Variants in IQCH observed in about 807,000 individuals in gnomAD.
IQCH encodes IQ domain-containing protein H.
In IQCH, 98 loss-of-function variants were observed where a neutral mutation model predicts 117.0. The observed-to-expected ratio is 0.84, with a 90% CI of 0.71 to 0.99. The LOEUF (loss-of-function observed/expected upper bound fraction) is 0.99. IQCH is among the 50% of genes least tolerant of loss of function. The probability of loss-of-function intolerance (pLI) is 0.00; values close to 1 mark genes in which losing one functional copy is unlikely to be tolerated. For missense variants in IQCH, 1,102 were observed against 1,243.8 expected, an observed-to-expected ratio of 0.89 and a Z score of 1.72; for synonymous variants, 412 against 448.2, an observed-to-expected ratio of 0.92 and a Z score of 1.02.
intron 4 of IQCH, among the ~76,000 whole-genome samples, chr15:67,326,677 T>G (rs1395040551): frequency 3.3e-5 from 5 of 152,188 alleles, no homozygotes. Flanking sequence ...TGTGAAGTTT[T>G]CAATTAAAAA....
At chr15:67,325,609 T>A (rs1968371127) in intron 4 of IQCH, among the ~76,000 whole-genome samples, 1 of 152,150 alleles carries the variant, frequency 6.6e-6, no homozygotes, top group Non-Finnish European at 1.5e-5. Flanking sequence ...AAGTACATTA[T>A]ACTTACGATA....
chr15:67,486,838 T>G (rs2083495731), intron 18 of IQCH, among the ~76,000 whole-genome samples: 1 of 152,274 alleles, frequency 6.6e-6, no homozygotes, highest in Non-Finnish European at 1.5e-5. Context: ...ATTATTGAGA[T>G]AGTCCTACTT....
At chr15:67,344,440 CTCTG>C (rs1969300624) in intron 6 of IQCH, among the ~76,000 whole-genome samples, 1 of 152,092 alleles carries the variant, frequency 6.6e-6, no homozygotes, top group African/African-American at 2.4e-5. Context: ...CCTTAACCAA[CTCTG>C]TCTTTCATTT....
chr15:67,473,440 G>A lies in IQCH; in HGVS notation c.2677-2256G>A, dbSNP rs115028726. Among the ~76,000 whole-genome samples, 180 of 152,352 alleles carry A rather than the reference G, an allele frequency of 1.2e-3. 1 individual carries two copies. Among genetic ancestry groups the A allele is most frequent in the African/African-American group, 4.3e-3 (177 of 41,580 alleles). ...TGTCCTCCAGCAGGCAAGGCCCGGA[G>A]CAACTGCCCTGAGTTGTCCTTCTCT... is the stretch of plus-strand genomic sequence containing the variant. On this transcript the variant is annotated intron_variant, in intron 17 of 20. Coordinates refer to ENST00000335894, the MANE Select transcript of IQCH (RefSeq NM_001031715.3). The surrounding 1 kb of genome is among the most constrained non-coding windows in gnomAD (Gnocchi z 4.9).
chr15:67,343,825 T>C (rs891510367), intron 5 of IQCH, among the ~76,000 whole-genome samples: 4 of 152,348 alleles, frequency 2.6e-5, no homozygotes, highest in Middle Eastern at 3.4e-3. Context: ...GAAATTACTT[T>C]AGTGCAATTT....
chr15:67,419,494 A>G (rs969051849), intron 15 of IQCH, among the ~76,000 whole-genome samples: 5 of 152,128 alleles, frequency 3.3e-5, no homozygotes, highest in Non-Finnish European at 7.4e-5. Context: ...TGGCCACAAA[A>G]TGTGCTAGGG....
chr15:67,481,112 A>G lies in IQCH; in HGVS notation c.2799+5294A>G, dbSNP rs1033489958. On this transcript the variant is annotated intron_variant, in intron 18 of 20. Coordinates refer to ENST00000335894, the MANE Select transcript of IQCH (RefSeq NM_001031715.3). The surrounding 1 kb of genome is among the most constrained non-coding windows in gnomAD (Gnocchi z 4.1). The stretch of plus-strand genomic sequence containing the variant: ...CAATATGAGTCAAATTAAATGTATG[A>G]CTATAACCTACTATTAAAACCTCTG... Among the ~76,000 whole-genome samples, 2 of 152,240 alleles carry G rather than the reference A, an allele frequency of 1.3e-5. No homozygotes were observed. Among genetic ancestry groups the G allele is most frequent in the African/African-American group, 2.4e-5 (1 of 41,470 alleles).
chr15:67,353,651 G>A (rs961626195), intron 6 of IQCH, among the ~76,000 whole-genome samples: 30 of 152,006 alleles, frequency 2.0e-4, no homozygotes, highest in Non-Finnish European at 2.8e-4. Context: ...GAGCCACTGC[G>A]CCGTCAAAAA....
At position 67,381,842 on chromosome 15, in the gene IQCH, G is replaced by A. The variant is rs1205307818; in HGVS notation, c.1373-3094G>A. Among the ~76,000 whole-genome samples, 1 of 151,970 alleles carries A rather than the reference G, an allele frequency of 6.6e-6. No individual in the cohort carries two copies. On this transcript the variant is annotated intron_variant, in intron 10 of 20. Coordinates refer to ENST00000335894, the MANE Select transcript of IQCH (RefSeq NM_001031715.3). The surrounding 1 kb of genome is among the most constrained non-coding windows in gnomAD (Gnocchi z 5.1). The stretch of plus-strand genomic sequence containing the variant: ...CAAAAATTACAAAAATTAGCCAGGT[G>A]TGGTAGTGTGCACCAGTAGTCTCAC...
In IQCH at chr15:67,424,129, T is replaced by C. The variant is rs529872181; in HGVS notation, c.2505+2552T>C. 1.4e-4 allele frequency among the ~76,000 whole-genome samples: 22 copies of C among 152,310 alleles called. No homozygotes were observed. In the South Asian group the frequency reaches 4.1e-3, roughly 29 times the overall value. Reference sequence around the variant, plus strand: ...GCTGGTTCCATGTACCTGGCCAGTCTTGTCTCACCCTAACTTGCCCTCTGT... The same window carrying C: ...GCTGGTTCCATGTACCTGGCCAGTCCTGTCTCACCCTAACTTGCCCTCTGT... On this transcript the variant is annotated intron_variant, in intron 16 of 20. Coordinates refer to ENST00000335894, the MANE Select transcript of IQCH (RefSeq NM_001031715.3). This position sits in a 1 kb window ranked among gnomAD's most constrained non-coding sequence, Gnocchi z 4.9.
chr15:67,400,019 A>G, intron 13 of IQCH, 95 bp from the exon 14 acceptor site: 1 of 894,484 alleles, frequency 1.1e-6, no homozygotes, highest in Non-Finnish European at 1.8e-6. Context: ...TTAGAAGTAA[A>G]GACACATGAG....
Position 67,408,550 on chromosome 15 carries a change from A to G in IQCH, c.2097+8245A>G, listed in dbSNP as rs2081363994. 1 of 152,248 alleles carries G rather than the reference A, an allele frequency of 6.6e-6. No homozygotes were observed. The highest frequency in any genetic ancestry group is 1.5e-5 in the Non-Finnish European group (1 of 68,050). 9.4% of individuals were successfully genotyped at this position (152,248 alleles called of 1,614,324 possible). Reference sequence around the variant, plus strand: ...TGTATGCATCTGTATGTGTGGAAATATCAAACAAGGCACAGCTCTTCACTC... The same window carrying G: ...TGTATGCATCTGTATGTGTGGAAATGTCAAACAAGGCACAGCTCTTCACTC... On this transcript the variant is annotated intron_variant, in intron 14 of 20. Transcript: ENST00000335894. The surrounding 1 kb of genome is among the most constrained non-coding windows in gnomAD (Gnocchi z 4.2).
In IQCH at chr15:67,416,461, G is replaced by A. The variant is rs2081579571; in HGVS notation, c.2098-470G>A. ...GAACCCGGGAGGCAGAGGTTGCAGT[G>A]AGCCAAGATCACGCCATTGCACTCC... On this transcript the variant is annotated intron_variant, in intron 14 of 20. Coordinates refer to ENST00000335894, the MANE Select transcript of IQCH (RefSeq NM_001031715.3). This position sits in a 1 kb window ranked among gnomAD's most constrained non-coding sequence, Gnocchi z 5.1. Among the ~76,000 whole-genome samples, 1 of 151,632 alleles carries A rather than the reference G, an allele frequency of 6.6e-6. No individual in the cohort carries two copies. The highest frequency in any genetic ancestry group is 2.4e-5 in the African/African-American group (1 of 41,216).
chr15:67,258,634 A>G (rs531988650), intron 1 of IQCH, among the ~76,000 whole-genome samples: 17 of 152,250 alleles, frequency 1.1e-4, no homozygotes, highest in Admixed American at 2.0e-4. Flanking sequence ...ATTGCTTTTG[A>G]CAATATAGAG....
chr15:67,338,491 G>A (rs1312700437), intron 5 of IQCH, among the ~76,000 whole-genome samples: 3 of 152,050 alleles, frequency 2.0e-5, no homozygotes, highest in African/African-American at 4.8e-5. Context: ...ACAAGCCACA[G>A]AAATATAAAT....
intron 4 of IQCH, among the ~76,000 whole-genome samples, chr15:67,316,104 A>G (rs1434124011): frequency 6.6e-6 from 1 of 152,188 alleles, no homozygotes; most frequent in Non-Finnish European, 1.5e-5. Flanking sequence ...AATACGTTAT[A>G]TGAGCTTGCC....
In IQCH at chr15:67,388,980, AC is replaced by A. The variant is rs747980118; in HGVS notation, c.1607del (p.Thr536AsnfsTer5). The stretch of plus-strand genomic sequence containing the variant: ...CCTGCAGGACAGGTTCAAAATTATC[AC>A]ACCTGAAGCTGTAAACATCTTCCCT... ...SDLQDRFKII[T>X]PEAVNIFPKH... On this transcript the variant is annotated frameshift_variant, in exon 12 of 21. Coordinates refer to ENST00000335894, the MANE Select transcript of IQCH (RefSeq NM_001031715.3). LOFTEE classifies it high-confidence loss of function. This position sits in a 1 kb window ranked among gnomAD's most constrained non-coding sequence, Gnocchi z 5.5. The A allele has an allele frequency of 1.2e-6, 2 of 1,613,800 alleles. No individual in the cohort carries two copies. Among genetic ancestry groups the A allele is most frequent in the Non-Finnish European group, 1.7e-6 (2 of 1,179,786 alleles).
In IQCH at chr15:67,386,762, A is replaced by G. The variant is rs1417955966; in HGVS notation, c.1456+1743A>G. ...GGAAGTGACTGATTACTGACCAGCA[A>G]TCAAAGAAAGTTTCATCTTCGTATC... On this transcript the variant is annotated intron_variant, in intron 11 of 20. Transcript: ENST00000335894. The surrounding 1 kb of genome is among the most constrained non-coding windows in gnomAD (Gnocchi z 5.0). Among the ~76,000 whole-genome samples the G allele has an allele frequency of 6.6e-6, 1 of 152,152 alleles. No homozygotes were observed. Among genetic ancestry groups the G allele is most frequent in the Non-Finnish European group, 1.5e-5 (1 of 68,034 alleles).
intron 4 of IQCH, among the ~76,000 whole-genome samples, chr15:67,292,860 T>C (rs1171729037): frequency 6.6e-6 from 1 of 152,212 alleles, no homozygotes; most frequent in East Asian, 1.9e-4. Flanking sequence ...ATTCCCCAAA[T>C]GACTTTTACT....
Sources: allele counts gnomAD v4.1 joint callset (sites outside exome capture counted in the v4.1 genomes callset), GRCh38; gene constraint gnomAD v4.1.1; non-coding constraint Gnocchi (gnomAD v3.1); transcripts MANE v1.5; gene names NCBI Gene and HGNC (gene_info 2026-07-23, HGNC 2026-07-21).